PDE4B: variants seen among roughly 807,000 people sequenced by gnomAD.
The protein encoded by PDE4B is phosphodiesterase 4B, also known as 3',5'-cyclic-AMP phosphodiesterase 4B.
PDE4B carries 20 observed loss-of-function variants against 82.2 expected under a neutral mutation model. The ratio of observed to expected loss-of-function variants is 0.24; its 90% CI spans 0.17 to 0.35. The LOEUF is 0.35. PDE4B is among the 10% of genes least tolerant of loss of function. The probability of loss-of-function intolerance (pLI) is 1.00; values close to 1 mark genes in which losing one functional copy is unlikely to be tolerated. For missense variants in PDE4B, 655 were observed against 907.2 expected, an observed-to-expected ratio of 0.72 and a Z score of 3.57; for synonymous variants, 320 against 318.9, an observed-to-expected ratio of 1.00 and a Z score of -0.04.
chr1:66,141,726 A>G (rs1169402713), intron 3 of PDE4B, among the ~76,000 whole-genome samples: 1 of 151,948 alleles, frequency 6.6e-6, no homozygotes, highest in East Asian at 1.9e-4. Flanking sequence ...TTATGACAAC[A>G]TTTTCCTGGA....
chr1:66,046,810 A>G (rs1016600689), intron 3 of PDE4B, among the ~76,000 whole-genome samples: 9 of 151,842 alleles, frequency 5.9e-5, no homozygotes, highest in Admixed American at 2.0e-4. Flanking sequence ...CCCCTCTGCT[A>G]TTCACTCTTT....
At chr1:66,309,996 G>A (rs1658554314) in intron 7 of PDE4B, among the ~76,000 whole-genome samples, 1 of 152,148 alleles carries the variant, frequency 6.6e-6, no homozygotes. Context: ...TTTCCAGGCT[G>A]ATGATAGCAG....
chr1:65,923,962 A>G (rs1647351722), intron 3 of PDE4B, among the ~76,000 whole-genome samples: 1 of 148,154 alleles, frequency 6.7e-6, no homozygotes, highest in South Asian at 2.1e-4. Flanking sequence ...GATTAAATGT[A>G]TTTTATAAAC....
chr1:65,866,653 C>T (rs913175082), intron 1 of PDE4B, among the ~76,000 whole-genome samples: 3 of 152,126 alleles, frequency 2.0e-5, no homozygotes, highest in Non-Finnish European at 4.4e-5. Flanking sequence ...ATCATAGCAA[C>T]CTCTAGATAT....
chr1:65,911,400 C>A (rs56351409), intron 1 of PDE4B, among the ~76,000 whole-genome samples: 1 of 152,082 alleles, frequency 6.6e-6, no homozygotes, highest in Non-Finnish European at 1.5e-5. Context: ...CACATAGCAT[C>A]TTTAATATTT....
intron 3 of PDE4B, among the ~76,000 whole-genome samples, chr1:65,959,066 T>C (rs35698460): frequency 0.17 from 25,648 of 152,234 alleles, 2,812 homozygotes; most frequent in Non-Finnish European, 0.24. Context: ...TAATTTCCTG[T>C]AGGCTAACAC....
intron 1 of PDE4B, among the ~76,000 whole-genome samples, chr1:65,844,126 C>G (rs889099481): frequency 1.3e-5 from 2 of 152,134 alleles, no homozygotes; most frequent in African/African-American, 4.8e-5. Flanking sequence ...TTTGGTACAT[C>G]TGAAGTGCCT....
chr1:65,858,845 T>C (rs1011174390), intron 1 of PDE4B, among the ~76,000 whole-genome samples: 1 of 152,112 alleles, frequency 6.6e-6, no homozygotes, highest in East Asian at 1.9e-4. Flanking sequence ...TTTGTTTTGT[T>C]TTAATAGGGT....
intron 3 of PDE4B, among the ~76,000 whole-genome samples, chr1:66,177,886 G>GT (rs892079199): frequency 5.3e-5 from 8 of 151,816 alleles, no homozygotes; most frequent in Admixed American, 1.3e-4. Context: ...GGTGGGCATT[G>GT]TTTTTTTTAG....
chr1:66,279,727 A>G (rs1449534526), intron 7 of PDE4B, among the ~76,000 whole-genome samples: 1 of 152,228 alleles, frequency 6.6e-6, no homozygotes, highest in Non-Finnish European at 1.5e-5. Flanking sequence ...ATGAAATTAT[A>G]GTGGTTGACA....
chr1:66,154,191 TA>T (rs1016797819), intron 3 of PDE4B, among the ~76,000 whole-genome samples: 8 of 152,322 alleles, frequency 5.3e-5, no homozygotes, highest in African/African-American at 1.4e-4. Context: ...TTTTATCCTC[TA>T]ATTCTTATCT....
chr1:66,236,763 A>G (rs767916398), intron 3 of PDE4B, among the ~76,000 whole-genome samples: 2 of 152,204 alleles, frequency 1.3e-5, no homozygotes, highest in Non-Finnish European at 2.9e-5. Context: ...TTCTGATAAA[A>G]TCACAGAAAT....
chr1:65,890,631 G>T (rs374952123), intron 1 of PDE4B, among the ~76,000 whole-genome samples: 2 of 152,176 alleles, frequency 1.3e-5, no homozygotes, highest in South Asian at 2.1e-4. Context: ...AATCAGAGTT[G>T]TAGGAGGGAG....
At chr1:65,813,557 A>G (rs1645843946) in intron 1 of PDE4B, among the ~76,000 whole-genome samples, 1 of 152,170 alleles carries the variant, frequency 6.6e-6, no homozygotes, top group African/African-American at 2.4e-5. Context: ...ATACATTTTC[A>G]TTGTGGGCCC....
Position 66,205,553 on chromosome 1 carries a change from T to A in PDE4B, c.282-41907T>A, listed in dbSNP as rs17128514. ...ACAAAGTAACAGCAGTGACAATAGG[T>A]AGTATGTAGCAAGTGCTGCATTGCT... is the stretch of plus-strand genomic sequence containing the variant. On this transcript the variant is annotated intron_variant, in intron 3 of 16. Transcript: ENST00000341517. Among the ~76,000 whole-genome samples, 1,407 of 152,344 alleles carry A rather than the reference T, an allele frequency of 9.2e-3. 28 individuals carry two copies. Among genetic ancestry groups the A allele is most frequent in the African/African-American group, 0.032 (1,347 of 41,570 alleles).
At chr1:66,039,759 C>T (rs187039586) in intron 3 of PDE4B, among the ~76,000 whole-genome samples, 6 of 152,172 alleles carry the variant, frequency 3.9e-5, no homozygotes, top group Non-Finnish European at 1.5e-5. Context: ...ATCTTGCAGA[C>T]TTTAAGACAG....
chr1:66,237,222 G>A (rs917874507), intron 3 of PDE4B, among the ~76,000 whole-genome samples: 3 of 152,170 alleles, frequency 2.0e-5, no homozygotes, highest in Non-Finnish European at 4.4e-5. Context: ...CAGGTGCAGT[G>A]TTCAAGACTG....
chr1:66,070,849 T>C (rs1387196493), intron 3 of PDE4B, among the ~76,000 whole-genome samples: 1 of 152,096 alleles, frequency 6.6e-6, no homozygotes, highest in Admixed American at 6.6e-5. Flanking sequence ...GAACATGTTT[T>C]TCTATCTTGG....
chr1:65,832,417 A>G lies in PDE4B; in HGVS notation c.-71+39169A>G, dbSNP rs1646093451. Among the ~76,000 whole-genome samples the G allele has an allele frequency of 2.6e-5, 4 of 152,218 alleles. No homozygotes were observed. The South Asian group carries it at 8.3e-4, about 32-fold the overall frequency. ...ACTTGGTCGAGAGTGATTTAAATTAAATGTGGAAATGAAGAGAGGATTTGG... is the reference window on the plus strand; with the variant it reads ...ACTTGGTCGAGAGTGATTTAAATTAGATGTGGAAATGAAGAGAGGATTTGG... On this transcript the variant is annotated intron_variant, in intron 1 of 16. Coordinates refer to ENST00000341517, the MANE Select transcript of PDE4B (RefSeq NM_002600.4).
Sources: gnomAD v4.1 joint callset for allele counts (sites outside exome capture counted in the v4.1 genomes callset) on GRCh38, gnomAD v4.1.1 for gene constraint, MANE v1.5 for transcripts, NCBI Gene and HGNC (gene_info 2026-07-23, HGNC 2026-07-21) for gene names.